Variants in DOCK1 observed in about 807,000 individuals in gnomAD.
DOCK1 encodes dedicator of cytokinesis 1.
A neutral mutation model predicts 262.7 loss-of-function variants in DOCK1; 138 were observed. The observed-to-expected ratio is 0.53, with a 90% CI of 0.46 to 0.61. The LOEUF is 0.61. Ranked by LOEUF, DOCK1 falls within the 20% of genes least tolerant of loss-of-function variation. The pLI is 0.00. For synonymous variants in DOCK1, 866 were observed against 867.4 expected (o/e 1.00, Z 0.03); for missense variants, 1,908 against 2,370.7 (o/e 0.80, Z 4.05).
chr10:127,143,650 G>A (rs183671906), intron 27 of DOCK1, among the ~76,000 whole-genome samples: 6 of 152,292 alleles, frequency 3.9e-5, no homozygotes, highest in East Asian at 3.9e-4. Context: ...CAACTTGGCC[G>A]GTTTTATGTG....
intron 42 of DOCK1, among the ~76,000 whole-genome samples, chr10:127,410,143 G>A (rs775601217): frequency 6.6e-5 from 10 of 152,100 alleles, no homozygotes; most frequent in Non-Finnish European, 1.0e-4. Flanking sequence ...ACCTTTCATC[G>A]TTTCTTTGAC....
intron 28 of DOCK1, among the ~76,000 whole-genome samples, chr10:127,256,258 A>G (rs569662838): frequency 2.0e-5 from 3 of 152,192 alleles, no homozygotes; most frequent in Non-Finnish European, 4.4e-5. Context: ...AGTGTCATCA[A>G]TTTTAACTTG....
intron 1 of DOCK1, among the ~76,000 whole-genome samples, chr10:126,946,591 G>T (rs1036508341): frequency 6.6e-6 from 1 of 152,026 alleles, no homozygotes; most frequent in Non-Finnish European, 1.5e-5. Context: ...CTCAGCCTCC[G>T]TTAACTTCTA....
chr10:127,238,569 A>G (rs1431419609), intron 27 of DOCK1, among the ~76,000 whole-genome samples: 1 of 152,066 alleles, frequency 6.6e-6, no homozygotes, highest in Admixed American at 6.5e-5. Context: ...CGTCGCCTAT[A>G]TGTCTGTGTA....
At chr10:127,260,496 G>A (rs2059986312) in intron 29 of DOCK1, among the ~76,000 whole-genome samples, 1 of 152,166 alleles carries the variant, frequency 6.6e-6, no homozygotes, top group Non-Finnish European at 1.5e-5. Context: ...TTCTAATCAA[G>A]GATTCCAGTA....
At chr10:127,376,458 G>A (rs72841526) in intron 35 of DOCK1, among the ~76,000 whole-genome samples, 8,145 of 152,270 alleles carry the variant, frequency 0.053, 325 homozygotes, top group Middle Eastern at 0.092. Flanking sequence ...CCTGGAGACT[G>A]ACCAAGTGGT....
chr10:127,130,839 T>C (rs2050278145), intron 27 of DOCK1, among the ~76,000 whole-genome samples: 1 of 152,172 alleles, frequency 6.6e-6, no homozygotes, highest in South Asian at 2.1e-4. Context: ...GTCCCTTCTA[T>C]AAGACACAGG....
rs145043373 is a variant in DOCK1 at position 127,219,218 on chromosome 10, G to A, written c.2848-28790G>A. Among the ~76,000 whole-genome samples, 58 of 152,288 alleles carry A rather than the reference G, an allele frequency of 3.8e-4. No individual in the cohort carries two copies. In the East Asian group the frequency reaches 0.011, roughly 28 times the overall value. On this transcript the variant is annotated intron_variant, in intron 27 of 51. Coordinates refer to ENST00000623213, the MANE Select transcript of DOCK1 (RefSeq NM_001290223.2). ...AGAAGAAACCATAAATTCATCTTGGGTGGAAGTGCAGTTTCTGAATATATT... is the reference window on the plus strand; with the variant it reads ...AGAAGAAACCATAAATTCATCTTGGATGGAAGTGCAGTTTCTGAATATATT...
chr10:127,018,925 C>A, intron 13 of DOCK1, 90 bp downstream of exon 13: 1 of 1,550,968 alleles, frequency 6.4e-7, no homozygotes, highest in South Asian at 1.2e-5. Flanking sequence ...TGTATGAGCT[C>A]TGGCAAGGAA....
intron 33 of DOCK1, among the ~76,000 whole-genome samples, chr10:127,370,099 C>T (rs1035121739): frequency 3.3e-5 from 5 of 152,102 alleles, no homozygotes; most frequent in African/African-American, 4.8e-5. Context: ...GGTGTGGTTG[C>T]GCAGTTTCAT....
intron 23 of DOCK1, among the ~76,000 whole-genome samples, chr10:127,073,618 C>T (rs986643189): frequency 1.3e-5 from 2 of 152,164 alleles, no homozygotes; most frequent in Non-Finnish European, 2.9e-5. Flanking sequence ...TCTTTTTTGT[C>T]TAATAGTCTT....
chr10:126,992,769 GA>G (rs1565039780), intron 6 of DOCK1, among the ~76,000 whole-genome samples: 34 of 130,486 alleles, frequency 2.6e-4, no homozygotes, highest in African/African-American at 8.9e-4. Context: ...CACACAGACA[GA>G]CACAGACACA....
At chr10:127,153,675 G>A (rs938159610) in intron 27 of DOCK1, among the ~76,000 whole-genome samples, 5 of 152,114 alleles carry the variant, frequency 3.3e-5, no homozygotes, top group Non-Finnish European at 7.4e-5. Flanking sequence ...TACATCCCAC[G>A]GTTCTATACT....
At chr10:127,107,187 G>C (rs2048583160) in intron 24 of DOCK1, among the ~76,000 whole-genome samples, 1 of 151,924 alleles carries the variant, frequency 6.6e-6, no homozygotes, top group Non-Finnish European at 1.5e-5. Flanking sequence ...TTTTTGTTTT[G>C]GTTTTGATTT....
intron 2 of DOCK1, among the ~76,000 whole-genome samples, chr10:126,975,912 C>G (rs2038503497): frequency 1.3e-5 from 2 of 152,120 alleles, no homozygotes; most frequent in African/African-American, 2.4e-5. Flanking sequence ...AGCCACCACT[C>G]TTGGCCTCAT....
chr10:126,974,219 TTTCCATAGGGTCCCCAGGGC>T (rs2038337323), intron 2 of DOCK1, among the ~76,000 whole-genome samples: 1 of 152,136 alleles, frequency 6.6e-6, no homozygotes, highest in African/African-American at 2.4e-5. Context: ...TGTCGACTCG[TTTCCATAGGGTCCCCAGGGC>T]TTCCATAGCG....
At chr10:127,035,602 C>G (rs1364582166) in intron 18 of DOCK1, among the ~76,000 whole-genome samples, 1 of 152,154 alleles carries the variant, frequency 6.6e-6, no homozygotes, top group Non-Finnish European at 1.5e-5. Context: ...TTATTACTGT[C>G]TATTAAGGAA....
At position 127,403,149 on chromosome 10, in the gene DOCK1, G is replaced by C. The variant is rs748548242; in HGVS notation, c.4017+5G>C. On this transcript the variant is annotated splice_donor_5th_base_variant and intron_variant, in intron 39 of 51. Transcript: ENST00000623213. ...GAGCAACTCAGCGAATTGCTGGTGA[G>C]TCTTTATTTCTTTTTATTTAAATGA... 2 of 1,600,114 alleles carry C rather than the reference G, an allele frequency of 1.2e-6. No individual in the cohort carries two copies. Among genetic ancestry groups the C allele is most frequent in the East Asian group, 4.5e-5 (2 of 44,528 alleles).
chr10:127,273,030 G>T (rs1447356320), intron 29 of DOCK1, among the ~76,000 whole-genome samples: 2 of 152,292 alleles, frequency 1.3e-5, no homozygotes, highest in Middle Eastern at 3.4e-3. Context: ...AATTCAAGAT[G>T]AGATTTGGGT....
Sources: gnomAD v4.1 joint callset for allele counts (sites outside exome capture counted in the v4.1 genomes callset) on GRCh38, gnomAD v4.1.1 for gene constraint, MANE v1.5 for transcripts, NCBI Gene and HGNC (gene_info 2026-07-23, HGNC 2026-07-21) for gene names.